The following ARID4A variants were observed in gnomAD, a reference collection of about 807,000 sequenced individuals.
The protein encoded by ARID4A is AT-rich interaction domain 4A, also known as AT-rich interactive domain-containing protein 4A.
In ARID4A, 39 loss-of-function variants were observed where a neutral mutation model predicts 148.6. That is an observed-to-expected ratio of 0.26 (90% CI 0.20 to 0.34). The LOEUF (loss-of-function observed/expected upper bound fraction) is 0.34. ARID4A is among the 10% of genes least tolerant of loss of function. The pLI, the probability that ARID4A is intolerant of heterozygous loss-of-function variation, is 1.00. For synonymous variants in ARID4A, 475 were observed against 481.2 expected, an observed-to-expected ratio of 0.99 and a Z score of 0.17; for missense variants, 1,265 against 1,449.1, an observed-to-expected ratio of 0.87 and a Z score of 2.06.
intron 17 of ARID4A, among the ~76,000 whole-genome samples, chr14:58,354,782 T>C (rs906139625): frequency 6.6e-6 from 1 of 152,030 alleles, no homozygotes; most frequent in African/African-American, 2.4e-5. Context: ...ATAAATCTTA[T>C]CTAGAAGGAG....
rs1177984527 is a variant in ARID4A, at chr14:58,336,213, A to T, written c.906+6044A>T. 1.3e-3 allele frequency among the ~76,000 whole-genome samples: 202 copies of T among 152,322 alleles called. 1 individual carries two copies. Among genetic ancestry groups the T allele is most frequent in the Non-Finnish European group, 2.6e-4 (18 of 68,032 alleles). On this transcript the variant is annotated intron_variant, in intron 11 of 23. Transcript: ENST00000355431. ...TATTTACTCAAGATTTAATTATTGCATTCTTATAATACACATACTGTCTTG... is the reference window on the plus strand; with the variant it reads ...TATTTACTCAAGATTTAATTATTGCTTTCTTATAATACACATACTGTCTTG...
intron 11 of ARID4A, among the ~76,000 whole-genome samples, chr14:58,335,142 T>C (rs1315288228): frequency 6.6e-6 from 1 of 152,134 alleles, no homozygotes; most frequent in African/African-American, 2.4e-5. Flanking sequence ...TGAGTAGTAT[T>C]CAGTACCTCT....
At chr14:58,347,236 G>A (rs535196140) in intron 14 of ARID4A, 119 bp downstream of exon 14, 240 of 532,948 alleles carry the variant, frequency 4.5e-4, no homozygotes, top group Non-Finnish European at 6.7e-4. Flanking sequence ...TATATAAAAA[G>A]GTTTAGGTTG....
At chr14:58,302,128 T>C (rs2031222534) in intron 3 of ARID4A, among the ~76,000 whole-genome samples, 1 of 152,104 alleles carries the variant, frequency 6.6e-6, no homozygotes. Context: ...GAGGCCGAAG[T>C]GGGCAGATCA....
intron 15 of ARID4A, among the ~76,000 whole-genome samples, chr14:58,348,913 T>G (rs529368494): frequency 6.6e-6 from 1 of 152,172 alleles, no homozygotes; most frequent in African/African-American, 2.4e-5. Context: ...TTCATTGGCA[T>G]TAAGTACATT....
Position 58,305,008 on chromosome 14 carries a change from G to T in ARID4A, c.182G>T (p.Arg61Ile). Residue 61 changes from arginine (R) to isoleucine (I), a missense_variant and splice_region_variant, in exon 4 of 24, where the codon AGA (arginine) becomes ATA (isoleucine). By Grantham distance (97) the Arg-to-Ile change is moderately conservative. Transcript: ENST00000355431. ...GATGACCAAGTAAAGGGTCCTTTAAGAGTATGTATGTTGTACGGTTTAAAA... is the reference window on the plus strand; with the variant it reads ...GATGACCAAGTAAAGGGTCCTTTAATAGTATGTATGTTGTACGGTTTAAAA... ...VQDDQVKGPL[R>I]VGAIVETRTS... 1 of 1,604,064 alleles carries T rather than the reference G, an allele frequency of 6.2e-7. No individual in the cohort carries two copies. The highest frequency in any genetic ancestry group is 8.5e-7 in the Non-Finnish European group (1 of 1,175,584).
chr14:58,338,315 A>G lies in ARID4A; in HGVS notation c.907-6380A>G, dbSNP rs573302039. Among the ~76,000 whole-genome samples, 65 of 152,296 alleles carry G rather than the reference A, an allele frequency of 4.3e-4. No homozygotes were observed. In the South Asian group the frequency reaches 0.011, roughly 25 times the overall value. On this transcript the variant is annotated intron_variant, in intron 11 of 23. Transcript: ENST00000355431. Reference sequence around the variant, plus strand: ...TTTTTAAAAAATCACACTATTTAATATATTATAAATTTAAAATTTTATACA... The same window carrying G: ...TTTTTAAAAAATCACACTATTTAATGTATTATAAATTTAAAATTTTATACA...
At chr14:58,358,281 C>T (rs2034977685) in intron 17 of ARID4A, among the ~76,000 whole-genome samples, 1 of 152,068 alleles carries the variant, frequency 6.6e-6, no homozygotes, top group African/African-American at 2.4e-5. Flanking sequence ...CCAGCATGGC[C>T]AACATGGCGA....
At chr14:58,356,937 T>C (rs941483766) in intron 17 of ARID4A, among the ~76,000 whole-genome samples, 1 of 152,120 alleles carries the variant, frequency 6.6e-6, no homozygotes, top group Non-Finnish European at 1.5e-5. Context: ...CTTGACCTTG[T>C]GATCGCCCGC....
chr14:58,329,480 A>C lies in ARID4A; in HGVS notation c.663-48A>C, dbSNP rs374095044. On this transcript the variant is annotated intron_variant, in intron 9 of 23. Transcript: ENST00000355431. ...TGTTAACATGAACTATTTAAGTGAT[A>C]ATTTTTATTGAATAAATTGTTTTCC... 6.4e-5 allele frequency: 80 copies of C among 1,257,882 alleles called. No individual in the cohort carries two copies. The South Asian group carries it at 9.6e-4, about 15-fold the overall frequency. The allele number at this position is 1,257,882 out of a possible 1,614,324, so 77.9% of individuals were successfully genotyped here.
rs987146861 is a variant in ARID4A, at chr14:58,373,526, G to A, written c.*1537G>A. On this transcript the variant is annotated 3_prime_UTR_variant, in exon 24 of 24. Transcript: ENST00000355431. ...AGAGCTAAACACTAGTGATGGCATA[G>A]CATTACTGAAATCATTGTTTCTTAA... 1 of 177,832 alleles carries A rather than the reference G, an allele frequency of 5.6e-6. No homozygotes were observed. Among genetic ancestry groups the A allele is most frequent in the South Asian group, 2.0e-4 (1 of 5,044 alleles). 11.0% of individuals were successfully genotyped at this position (177,832 alleles called of 1,614,324 possible).
chr14:58,346,970 A>T, intron 13 of ARID4A, 50 bp from the exon 14 acceptor site: 1 of 378,566 alleles, frequency 2.6e-6, no homozygotes, highest in Non-Finnish European at 4.6e-6. Context: ...AAAAAAAAAA[A>T]AAAGATTAAT....
At chr14:58,313,243 C>T (rs967427395) in intron 5 of ARID4A, among the ~76,000 whole-genome samples, 1 of 152,170 alleles carries the variant, frequency 6.6e-6, no homozygotes, top group Admixed American at 6.5e-5. Flanking sequence ...TGGTCCCCAG[C>T]CTTTTTAGCA....
chr14:58,330,730 C>T (rs1594908602), intron 11 of ARID4A, among the ~76,000 whole-genome samples: 3 of 152,056 alleles, frequency 2.0e-5, no homozygotes, highest in African/African-American at 2.4e-5. Flanking sequence ...TTTCATTTGG[C>T]AATTTGATAA....
Position 58,360,986 on chromosome 14 carries a change from T to G in ARID4A, c.2024T>G (p.Leu675Arg). 1 of 1,613,936 alleles carries G rather than the reference T, an allele frequency of 6.2e-7. No homozygotes were observed. Among genetic ancestry groups the G allele is most frequent in the Non-Finnish European group, 8.5e-7 (1 of 1,179,986 alleles). ...GGACGACCTCCTTTAAAATCAACCC[T>G]CTCATCAAACATGCCGTATGGCTTA... ...KRGRPPLKST[L>R]SSNMPYGLSK... is the part of the protein sequence containing the mutation. Residue 675 changes from leucine (L) to arginine (R), a missense_variant, in exon 19 of 24, where the codon CTC becomes CGC. By Grantham distance (102) the Leu-to-Arg change is moderately radical (BLOSUM62 -2). Transcript: ENST00000355431.
intron 5 of ARID4A, among the ~76,000 whole-genome samples, chr14:58,312,217 A>AT (rs1167025695): frequency 0.013 from 1,853 of 142,912 alleles, 29 homozygotes; most frequent in African/African-American, 0.034. Flanking sequence ...TTAATGTTAA[A>AT]TTTTTTTTTT....
chr14:58,366,098 G>A lies in ARID4A; in HGVS notation c.3391G>A (p.Val1131Ile), dbSNP rs1176969276. The A allele has an allele frequency of 5.0e-6, 8 of 1,613,828 alleles. No individual in the cohort carries two copies. Among genetic ancestry groups the A allele is most frequent in the Non-Finnish European group, 6.8e-6 (8 of 1,179,792 alleles). Residue 1131 changes from valine to isoleucine, a missense_variant, in exon 22 of 24, where the codon GTA (valine) becomes ATA (isoleucine). Val to Ile is a conservative substitution (Grantham distance 29). Transcript: ENST00000355431. ...ATGTACCCCAGTAAAGCATCTTAAT[G>A]TATCTAAGCCACAGAAACTTGCACG... ...SKCTPVKHLN[V>I]SKPQKLARSP...
At chr14:58,359,094 G>C in intron 17 of ARID4A, 38 bp from the exon 18 acceptor site, 1 of 1,447,332 alleles carries the variant, frequency 6.9e-7, no homozygotes, top group Non-Finnish European at 9.2e-7. Flanking sequence ...AATGTATAAA[G>C]TTTGTACAAA....
intron 12 of ARID4A, 116 bp from the exon 13 acceptor site, chr14:58,346,295 T>A: frequency 1.6e-6 from 1 of 611,264 alleles, no homozygotes; most frequent in Non-Finnish European, 2.8e-6. Context: ...TAAGGCTCTT[T>A]AAATATGTGC....
Sources: gnomAD v4.1 joint callset for allele counts (sites outside exome capture counted in the v4.1 genomes callset) on GRCh38, gnomAD v4.1.1 for gene constraint, MANE v1.5 for transcripts, NCBI Gene and HGNC (gene_info 2026-07-23, HGNC 2026-07-21) for gene names.